The following XRN2 variants were observed in gnomAD, a reference collection of about 807,000 sequenced individuals.
XRN2 encodes DHM1-like protein.
Under a neutral mutation model 138.5 loss-of-function variants are expected in XRN2, and 44 were observed. That is an observed-to-expected ratio of 0.32 (90% CI 0.25 to 0.41). The LOEUF is 0.41. XRN2 is among the 10% of genes least tolerant of loss of function. XRN2 has a pLI of 1.00. For synonymous variants in XRN2, 354 were observed against 369.4 expected (o/e 0.96, Z 0.48); for missense variants, 937 against 1,169.3 (o/e 0.80, Z 2.90).
At chr20:21,362,238 AC>A (rs1448237468) in intron 24 of XRN2, among the ~76,000 whole-genome samples, 1 of 152,164 alleles carries the variant, frequency 6.6e-6, no homozygotes, top group Non-Finnish European at 1.5e-5. Flanking sequence ...TAATTGGAAA[AC>A]AAATGGATTT....
chr20:21,324,994 C>T (rs903854087), intron 1 of XRN2, among the ~76,000 whole-genome samples: 3 of 152,214 alleles, frequency 2.0e-5, no homozygotes, highest in Admixed American at 2.0e-4. Context: ...TGTCTCCACC[C>T]TCACCTGAAG....
chr20:21,365,894 A>AT lies in XRN2; in HGVS notation c.2456+190_2456+191insT, dbSNP rs1228560782. On this transcript the variant is annotated intron_variant, in intron 26 of 29. Coordinates refer to ENST00000377191, the MANE Select transcript of XRN2 (RefSeq NM_012255.5). ...TTATATATAATATTATATAATATAT[A>AT]ATTATATATATAATATATATAATAT... 4.6e-5 allele frequency among the ~76,000 whole-genome samples: 4 copies of AT among 86,946 alleles called. No homozygotes were observed. The Admixed American group carries it at 5.3e-4, about 12-fold the overall frequency. 57.0% of individuals were successfully genotyped at this position (86,946 alleles called of 152,430 possible).
chr20:21,354,343 T>C (rs1414937615), intron 20 of XRN2, among the ~76,000 whole-genome samples: 11 of 152,310 alleles, frequency 7.2e-5, no homozygotes, highest in African/African-American at 2.4e-4. Flanking sequence ...TTGAACAGAA[T>C]TGAGTATTTT....
chr20:21,352,903 A>G (rs1394096608), intron 20 of XRN2, among the ~76,000 whole-genome samples: 2 of 152,000 alleles, frequency 1.3e-5, no homozygotes, highest in South Asian at 2.1e-4. Context: ...TGCATGTAAC[A>G]TAAGAAGTGT....
At chr20:21,376,466 C>T (rs2038824113) in intron 27 of XRN2, among the ~76,000 whole-genome samples, 1 of 152,108 alleles carries the variant, frequency 6.6e-6, no homozygotes, top group South Asian at 2.1e-4. Flanking sequence ...ACCAGTTTTT[C>T]TTTTGTAAGT....
chr20:21,346,094 C>G (rs2038432216), intron 16 of XRN2, among the ~76,000 whole-genome samples: 1 of 152,022 alleles, frequency 6.6e-6, no homozygotes, highest in Admixed American at 6.6e-5. Flanking sequence ...TAGAATTGTA[C>G]AAAGAAACAT....
chr20:21,373,569 A>G (rs1165930271), intron 27 of XRN2, among the ~76,000 whole-genome samples: 8 of 152,192 alleles, frequency 5.3e-5, no homozygotes, highest in Non-Finnish European at 4.4e-5. Context: ...AATTACATTC[A>G]GTTTGTATGA....
chr20:21,303,946 C>A, intron 1 of XRN2: 3 of 803,304 alleles, frequency 3.7e-6, no homozygotes, highest in South Asian at 5.7e-5. Context: ...CGTTGTTTAC[C>A]AATTGTGCCG....
intron 1 of XRN2, among the ~76,000 whole-genome samples, chr20:21,324,142 C>T (rs1334164889): frequency 2.0e-5 from 3 of 151,902 alleles, no homozygotes; most frequent in African/African-American, 7.3e-5. Flanking sequence ...TAGACTCCAC[C>T]CACCCCCCCA....
At chr20:21,386,179 C>G (rs1292369410) in intron 28 of XRN2, among the ~76,000 whole-genome samples, 1 of 152,244 alleles carries the variant, frequency 6.6e-6, no homozygotes, top group Non-Finnish European at 1.5e-5. Flanking sequence ...TAATCTGCGA[C>G]AGCAAACTGG....
chr20:21,333,664 CT>C (rs1477448462), intron 10 of XRN2, 39 bp from the exon 11 acceptor site: 3 of 1,613,820 alleles, frequency 1.9e-6, no homozygotes, highest in Non-Finnish European at 2.5e-6. Context: ...AGCAGGGTGC[CT>C]TTGATAGCTG....
intron 20 of XRN2, among the ~76,000 whole-genome samples, chr20:21,353,810 AC>A (rs1468428962): frequency 6.6e-6 from 1 of 150,652 alleles, no homozygotes; most frequent in Non-Finnish European, 1.5e-5. Context: ...AAAAAAAAAA[AC>A]AACTGTTACT....
intron 15 of XRN2, 84 bp downstream of exon 15, chr20:21,340,936 C>A: frequency 6.7e-7 from 1 of 1,502,598 alleles, no homozygotes. Context: ...TGAAATTTAT[C>A]ACAGCCTGGA....
At chr20:21,387,987 C>T (rs1319673103) in intron 29 of XRN2, among the ~76,000 whole-genome samples, 3 of 152,128 alleles carry the variant, frequency 2.0e-5, no homozygotes, top group East Asian at 1.9e-4. Flanking sequence ...ATCAGTTTAT[C>T]GAATTTTGCT....
rs771739428 is a variant in XRN2 at position 21,331,637 on chromosome 20, A to T, written c.649+4A>T. 6.2e-7 allele frequency: 1 copy of T among 1,611,332 alleles called. No individual in the cohort carries two copies. Among genetic ancestry groups the T allele is most frequent in the Admixed American group, 1.7e-5 (1 of 59,612 alleles). ...GATTACATTAGAAGGCAAAGAGGTAAAGCTTACTTACCAATATTTGATTAT... is the reference window on the plus strand; with the variant it reads ...GATTACATTAGAAGGCAAAGAGGTATAGCTTACTTACCAATATTTGATTAT... On this transcript the variant is annotated splice_donor_region_variant and intron_variant, in intron 7 of 29. Coordinates refer to ENST00000377191, the MANE Select transcript of XRN2 (RefSeq NM_012255.5).
intron 1 of XRN2, among the ~76,000 whole-genome samples, chr20:21,319,153 A>T (rs2038003212): frequency 6.6e-6 from 1 of 151,946 alleles, no homozygotes; most frequent in Non-Finnish European, 1.5e-5. Flanking sequence ...CTCCAGTAAC[A>T]TTTTTTTATT....
intron 28 of XRN2, among the ~76,000 whole-genome samples, chr20:21,383,627 A>G (rs1168690467): frequency 1.3e-5 from 2 of 152,144 alleles, no homozygotes; most frequent in South Asian, 2.1e-4. Flanking sequence ...AGGGACTTCA[A>G]AGGAAGTAAA....
chr20:21,327,642 T>G (rs1192467541), intron 3 of XRN2, among the ~76,000 whole-genome samples: 1 of 152,200 alleles, frequency 6.6e-6, no homozygotes, highest in East Asian at 1.9e-4. Flanking sequence ...TCCAGTGTGT[T>G]CTTTCTGCTA....
chr20:21,321,414 C>G (rs947686085), intron 1 of XRN2, among the ~76,000 whole-genome samples: 1 of 149,650 alleles, frequency 6.7e-6, no homozygotes, highest in African/African-American at 2.5e-5. Flanking sequence ...CTGTAGTTTC[C>G]AACTCCTGGG....
Sources: gnomAD v4.1 joint callset for allele counts (sites outside exome capture counted in the v4.1 genomes callset) on GRCh38, gnomAD v4.1.1 for gene constraint, MANE v1.5 for transcripts, NCBI Gene and HGNC (gene_info 2026-07-23, HGNC 2026-07-21) for gene names.